DYRK1A: variants seen among roughly 807,000 people sequenced by gnomAD.
The protein encoded by DYRK1A is dual specificity tyrosine-phosphorylation-regulated kinase 1A.
DYRK1A carries 9 observed loss-of-function variants against 79.7 expected under a neutral mutation model. The observed-to-expected ratio is 0.11, with a 90% CI of 0.07 to 0.20. The LOEUF (loss-of-function observed/expected upper bound fraction) is 0.20, where lower values mean the gene tolerates loss of function less well. DYRK1A is among the 10% of genes least tolerant of loss of function. The pLI is 1.00. For synonymous variants in DYRK1A, 349 were observed against 329.7 expected, an observed-to-expected ratio of 1.06 and a Z score of -0.63; for missense variants, 622 against 956.0, an observed-to-expected ratio of 0.65 and a Z score of 4.61.
At chr21:37,479,389 A>C (rs1874827871) in intron 4 of DYRK1A, among the ~76,000 whole-genome samples, 2 of 152,246 alleles carry the variant, frequency 1.3e-5, no homozygotes, top group South Asian at 4.1e-4. Flanking sequence ...TAACAAAGCT[A>C]CAGTTAAACT....
rs2053828193 is a variant in DYRK1A at position 37,513,802 on chromosome 21, T to G, written c.*1271T>G. The G allele has an allele frequency of 6.5e-6, 1 of 152,674 alleles. No homozygotes were observed. The highest frequency in any genetic ancestry group is 2.4e-5 in the African/African-American group (1 of 41,470). The allele number at this position is 152,674 out of a possible 1,614,324, so 9.5% of individuals were successfully genotyped here. ...GTGAATTTTACAAAAATTTATTTTCTTTTTTGATAATTTATTGTACCAAAG... is the reference window on the plus strand; with the variant it reads ...GTGAATTTTACAAAAATTTATTTTCGTTTTTGATAATTTATTGTACCAAAG... On this transcript the variant is annotated 3_prime_UTR_variant, in exon 12 of 12. Coordinates refer to ENST00000647188, the MANE Select transcript of DYRK1A (RefSeq NM_001347721.2).
At chr21:37,506,784 A>G (rs1238784985) in intron 11 of DYRK1A, among the ~76,000 whole-genome samples, 7 of 152,248 alleles carry the variant, frequency 4.6e-5, no homozygotes, top group African/African-American at 1.7e-4. Context: ...ATAATCTAAT[A>G]AAGTTGTAAG....
chr21:37,460,176 CAATT>C, intron 2 of DYRK1A, among the ~76,000 whole-genome samples: 1 of 151,400 alleles, frequency 6.6e-6, no homozygotes, highest in Non-Finnish European at 1.5e-5. Context: ...CATTTAAAAT[CAATT>C]GTCAGTTAAT....
Position 37,520,203 on chromosome 21 carries a change from G to C in DYRK1A, c.*7672G>C, listed in dbSNP as rs908198866. The C allele has an allele frequency of 6.6e-6, 1 of 152,156 alleles. No homozygotes were observed. The highest frequency in any genetic ancestry group is 2.4e-5 in the African/African-American group (1 of 41,426). 9.4% of individuals were successfully genotyped at this position (152,156 alleles called of 1,614,324 possible). ...ATGGTCATTAGACCCTTGTGATCAC[G>C]CATCCAGGGGCCAGTCCCCACCCTT... On this transcript the variant is annotated 3_prime_UTR_variant, in exon 12 of 12. Transcript: ENST00000647188.
rs1012531637 is a variant in DYRK1A, at chr21:37,513,145, C to CA, written c.*615dup. On this transcript the variant is annotated 3_prime_UTR_variant, in exon 12 of 12. Transcript: ENST00000647188. ...GGTGAAGTTTGTCAGGCACAGTAAG[C>CA]ATGCTGAGTGGCGGGGATCAGAACT... 59 of 153,522 alleles carry CA rather than the reference C, an allele frequency of 3.8e-4. No individual in the cohort carries two copies. Among genetic ancestry groups the CA allele is most frequent in the Admixed American group, 3.2e-3 (49 of 15,416 alleles). 9.5% of individuals were successfully genotyped at this position (153,522 alleles called of 1,614,324 possible).
intron 2 of DYRK1A, among the ~76,000 whole-genome samples, chr21:37,451,532 A>G (rs1205536164): frequency 6.6e-6 from 1 of 152,172 alleles, no homozygotes; most frequent in Non-Finnish European, 1.5e-5. Flanking sequence ...GCACGGCTGA[A>G]CAGGTTTGCA....
rs1452230696 is a variant in DYRK1A at position 37,445,991 on chromosome 21, AC to A, written c.10+25608del. ...CTCATCTGTATTTTAAAATAAAAAAACAACATTCTTACTGTAATTGATGTGG... is the reference window on the plus strand; with the variant it reads ...CTCATCTGTATTTTAAAATAAAAAAAAACATTCTTACTGTAATTGATGTGG... On this transcript the variant is annotated intron_variant, in intron 2 of 11. Transcript: ENST00000647188. 3.9e-5 allele frequency among the ~76,000 whole-genome samples: 6 copies of A among 152,316 alleles called. No individual in the cohort carries two copies. The East Asian group carries it at 9.6e-4, about 24-fold the overall frequency.
intron 4 of DYRK1A, among the ~76,000 whole-genome samples, chr21:37,480,127 G>A (rs1439044153): frequency 1.3e-5 from 2 of 152,108 alleles, no homozygotes; most frequent in African/African-American, 4.8e-5. Context: ...TTAAAAATAT[G>A]TTGCCATAAA....
chr21:37,470,936 A>G (rs1044061281), intron 2 of DYRK1A, among the ~76,000 whole-genome samples: 4 of 152,340 alleles, frequency 2.6e-5, no homozygotes, highest in East Asian at 1.9e-4. Context: ...CAGTTGTACT[A>G]TCCTTTTACT....
chr21:37,386,830 G>A (rs1018934878), intron 1 of DYRK1A, among the ~76,000 whole-genome samples: 1 of 152,180 alleles, frequency 6.6e-6, no homozygotes, highest in African/African-American at 2.4e-5. Flanking sequence ...GCAGTGTCAG[G>A]AGTTGGATTC....
intron 1 of DYRK1A, among the ~76,000 whole-genome samples, chr21:37,382,642 C>T (rs1457644263): frequency 6.6e-6 from 1 of 152,092 alleles, no homozygotes; most frequent in Non-Finnish European, 1.5e-5. Flanking sequence ...ATCTGAGTTT[C>T]TCCTCTTAAA....
intron 2 of DYRK1A, among the ~76,000 whole-genome samples, chr21:37,438,166 C>CT (rs1352649525): frequency 6.6e-6 from 1 of 152,006 alleles, no homozygotes; most frequent in East Asian, 1.9e-4. Context: ...TTTTGTCATT[C>CT]TTTTTTCGGT....
At position 37,431,259 on chromosome 21, in the gene DYRK1A, G is replaced by A. The variant is rs866042486; in HGVS notation, c.10+10875G>A. ...TGCTGGGGTGGCTGTTGGCTCCTTC[G>A]CTTGCTGTTAGTTTTAAAGGATTGT... On this transcript the variant is annotated intron_variant, in intron 2 of 11. Coordinates refer to ENST00000647188, the MANE Select transcript of DYRK1A (RefSeq NM_001347721.2). Among the ~76,000 whole-genome samples, 3 of 152,144 alleles carry A rather than the reference G, an allele frequency of 2.0e-5. 1 individual carries two copies. The highest frequency in any genetic ancestry group is 2.9e-5 in the Non-Finnish European group (2 of 68,034).
At chr21:37,476,167 C>T (rs116462836) in intron 3 of DYRK1A, among the ~76,000 whole-genome samples, 7 of 152,048 alleles carry the variant, frequency 4.6e-5, no homozygotes, top group Non-Finnish European at 1.0e-4. Context: ...TCGGACCACC[C>T]GGATGGTGAT....
At chr21:37,400,431 G>C (rs2050032364) in intron 1 of DYRK1A, among the ~76,000 whole-genome samples, 1 of 152,188 alleles carries the variant, frequency 6.6e-6, no homozygotes, top group South Asian at 2.1e-4. Flanking sequence ...ATTTGGAAAA[G>C]TAGGAAGGTT....
At chr21:37,496,765 T>G (rs1450140690) in intron 9 of DYRK1A, among the ~76,000 whole-genome samples, 1 of 152,222 alleles carries the variant, frequency 6.6e-6, no homozygotes, top group African/African-American at 2.4e-5. Context: ...AGACTTCAGA[T>G]TCCTAGCTCA....
chr21:37,482,746 C>T (rs1461304471), intron 5 of DYRK1A, among the ~76,000 whole-genome samples: 2 of 152,088 alleles, frequency 1.3e-5, no homozygotes, highest in Non-Finnish European at 2.9e-5. Flanking sequence ...CCTACAGTCT[C>T]GACCATAGAA....
At chr21:37,441,713 T>C (rs959599361) in intron 2 of DYRK1A, among the ~76,000 whole-genome samples, 2 of 152,174 alleles carry the variant, frequency 1.3e-5, no homozygotes, top group African/African-American at 4.8e-5. Context: ...AGATTTTGTT[T>C]GTGCATATGT....
At chr21:37,419,261 G>C (rs1241087702) in intron 1 of DYRK1A, 1 of 152,168 alleles carries the variant, frequency 6.6e-6, no homozygotes, top group Non-Finnish European at 1.5e-5. Flanking sequence ...ATTTAGGAGT[G>C]TAAAACAACT....
Sources: allele counts gnomAD v4.1 joint callset (sites outside exome capture counted in the v4.1 genomes callset), GRCh38; gene constraint gnomAD v4.1.1; transcripts MANE v1.5; gene names NCBI Gene and HGNC (gene_info 2026-07-23, HGNC 2026-07-21).